NKAIN2: variants seen among roughly 807,000 people sequenced by gnomAD.
NKAIN2 encodes sodium/potassium-transporting ATPase subunit beta-1-interacting protein 2.
In NKAIN2, 14 loss-of-function variants were observed where a neutral mutation model predicts 32.6. The observed-to-expected ratio is 0.43, with a 90% confidence interval of 0.28 to 0.67. The LOEUF (loss-of-function observed/expected upper bound fraction) is 0.67, where lower values mean the gene tolerates loss of function less well. Among genes scored for constraint, NKAIN2 ranks in the 30% least tolerant of loss-of-function variants. The pLI is 0.17. For missense variants in NKAIN2, 198 were observed against 258.3 expected (o/e 0.77, Z 1.60); for synonymous variants, 80 against 87.2 (o/e 0.92, Z 0.46).
intron 1 of NKAIN2, among the ~76,000 whole-genome samples, chr6:123,900,458 C>T (rs553283824): frequency 7.6e-5 from 11 of 144,874 alleles, no homozygotes; most frequent in South Asian, 2.2e-4. Flanking sequence ...GGTGACAGAG[C>T]GAGACTCTGT....
chr6:124,250,377 A>G (rs1358012765), intron 1 of NKAIN2, among the ~76,000 whole-genome samples: 1 of 152,136 alleles, frequency 6.6e-6, no homozygotes, highest in East Asian at 1.9e-4. Flanking sequence ...GAATAAATTA[A>G]AAAAATAATT....
chr6:124,723,788 G>A (rs1776141853), intron 4 of NKAIN2, among the ~76,000 whole-genome samples: 1 of 152,168 alleles, frequency 6.6e-6, no homozygotes, highest in Non-Finnish European at 1.5e-5. Context: ...AACTACTTGT[G>A]CTGATTTTGC....
chr6:123,867,134 T>A (rs1772569724), intron 1 of NKAIN2, among the ~76,000 whole-genome samples: 2 of 152,200 alleles, frequency 1.3e-5, no homozygotes, highest in South Asian at 4.1e-4. Flanking sequence ...TACTAAGTCT[T>A]CAGTTTACCT....
intron 3 of NKAIN2, among the ~76,000 whole-genome samples, chr6:124,370,067 A>T (rs979373982): frequency 5.9e-5 from 9 of 151,592 alleles, no homozygotes; most frequent in African/African-American, 2.2e-4. Flanking sequence ...TCATATGATG[A>T]CAAACCTATT....
At chr6:124,678,972 G>A (rs545769302) in intron 4 of NKAIN2, among the ~76,000 whole-genome samples, 1 of 152,036 alleles carries the variant, frequency 6.6e-6, no homozygotes, top group South Asian at 2.1e-4. Context: ...ATTTTTTCCA[G>A]CAGTTTGTGT....
chr6:124,356,438 A>G (rs1339917770), intron 3 of NKAIN2, among the ~76,000 whole-genome samples: 4 of 152,216 alleles, frequency 2.6e-5, no homozygotes, highest in African/African-American at 7.2e-5. Context: ...ATGACAAAAG[A>G]TGAAGGATCA....
At position 124,721,481 on chromosome 6, in the gene NKAIN2, A is replaced by G. The variant is rs189332564; in HGVS notation, c.474+63095A>G. Among the ~76,000 whole-genome samples the G allele has an allele frequency of 8.6e-4, 131 of 152,210 alleles. 2 individuals are homozygous for G. In the East Asian group the frequency reaches 0.022, roughly 26 times the overall value. On this transcript the variant is annotated intron_variant, in intron 4 of 6. Transcript: ENST00000368417. ...TTTCAACAAATTCACTTTCTGATGC[A>G]GAGTGTACACTGAAGGATTCAAGAT...
intron 1 of NKAIN2, among the ~76,000 whole-genome samples, chr6:124,200,767 A>G (rs1486362882): frequency 6.6e-6 from 1 of 151,984 alleles, no homozygotes; most frequent in Non-Finnish European, 1.5e-5. Context: ...TTAACTTTCT[A>G]AAGTGAAGAC....
At chr6:123,961,876 G>A (rs903584784) in intron 1 of NKAIN2, among the ~76,000 whole-genome samples, 2 of 152,006 alleles carry the variant, frequency 1.3e-5, no homozygotes, top group Non-Finnish European at 1.5e-5. Flanking sequence ...ATAACATAGT[G>A]GAAATATCAG....
At chr6:124,523,121 C>A (rs545371296) in intron 3 of NKAIN2, among the ~76,000 whole-genome samples, 2 of 25,756 alleles carry the variant, frequency 7.8e-5, no homozygotes, top group African/African-American at 9.2e-5. Context: ...CCCGCCTGGG[C>A]GACAGAGCGA....
chr6:124,650,435 T>C (rs1022197838), intron 3 of NKAIN2, among the ~76,000 whole-genome samples: 7 of 152,202 alleles, frequency 4.6e-5, no homozygotes, highest in African/African-American at 1.7e-4. Flanking sequence ...TATCAATTTG[T>C]CTTCAACTAT....
chr6:124,464,012 T>A (rs114122839), intron 3 of NKAIN2, among the ~76,000 whole-genome samples: 6,918 of 152,188 alleles, frequency 0.045, 543 homozygotes, highest in African/African-American at 0.16. Flanking sequence ...TGACAAAGTC[T>A]TACTTTGTCA....
At chr6:124,072,532 T>A (rs1466932459) in intron 1 of NKAIN2, among the ~76,000 whole-genome samples, 1 of 152,136 alleles carries the variant, frequency 6.6e-6, no homozygotes, top group Non-Finnish European at 1.5e-5. Context: ...TCCCCTGTCA[T>A]TCTCAAGCCT....
chr6:124,329,098 C>T (rs78476527), intron 2 of NKAIN2, among the ~76,000 whole-genome samples: 3,102 of 152,286 alleles, frequency 0.02, 72 homozygotes, highest in East Asian at 0.12. Flanking sequence ...ACTATCCTTC[C>T]AATCTTTATT....
intron 3 of NKAIN2, among the ~76,000 whole-genome samples, chr6:124,464,799 T>C (rs1162574914): frequency 2.0e-5 from 3 of 152,160 alleles, no homozygotes; most frequent in Admixed American, 2.0e-4. Context: ...TCAGGTCACG[T>C]GATGCCTCCA....
At chr6:124,092,875 A>G (rs1784492894) in intron 1 of NKAIN2, among the ~76,000 whole-genome samples, 1 of 152,040 alleles carries the variant, frequency 6.6e-6, no homozygotes, top group Non-Finnish European at 1.5e-5. Context: ...TTTCCAAATC[A>G]TCAACCTCTA....
chr6:124,346,542 G>A (rs1420992957), intron 2 of NKAIN2, among the ~76,000 whole-genome samples: 1 of 152,110 alleles, frequency 6.6e-6, no homozygotes, highest in Non-Finnish European at 1.5e-5. Flanking sequence ...TATATATTTA[G>A]GACAATTAGC....
chr6:124,706,843 AT>A (rs775996633), intron 4 of NKAIN2, among the ~76,000 whole-genome samples: 1,645 of 149,762 alleles, frequency 0.011, 7 homozygotes, highest in Middle Eastern at 0.024. Flanking sequence ...AGTTGGTTTT[AT>A]TTTTTTTTTA....
chr6:124,019,294 T>C (rs1780750428), intron 1 of NKAIN2, among the ~76,000 whole-genome samples: 2 of 152,190 alleles, frequency 1.3e-5, no homozygotes, highest in Admixed American at 1.3e-4. Flanking sequence ...CAATAAGGAC[T>C]TTTATGTTAA....
Sources: gnomAD v4.1 joint callset for allele counts (sites outside exome capture counted in the v4.1 genomes callset) on GRCh38, gnomAD v4.1.1 for gene constraint, MANE v1.5 for transcripts, NCBI Gene and HGNC (gene_info 2026-07-23, HGNC 2026-07-21) for gene names.